Variants in YWHAQ observed in about 807,000 individuals in gnomAD.
YWHAQ encodes 14-3-3 protein theta.
Under a neutral mutation model 28.3 loss-of-function variants are expected in YWHAQ, and 6 were observed. That is an observed-to-expected ratio of 0.21 (90% CI 0.12 to 0.42). The LOEUF (loss-of-function observed/expected upper bound fraction) is 0.42. YWHAQ is among the 10% of genes least tolerant of loss of function. YWHAQ has a pLI of 1.00. For synonymous variants in YWHAQ, 143 were observed against 119.1 expected, an observed-to-expected ratio of 1.20 and a Z score of -1.31; for missense variants, 201 against 305.6, an observed-to-expected ratio of 0.66 and a Z score of 2.55.
At chr2:9,612,553 T>C (rs1666969100) in intron 2 of YWHAQ, among the ~76,000 whole-genome samples, 1 of 152,242 alleles carries the variant, frequency 6.6e-6, no homozygotes, top group South Asian at 2.1e-4. Context: ...TGGGAAGCAT[T>C]GTCCTGACTG....
At chr2:9,585,769 G>C (rs1349023921) in intron 5 of YWHAQ, among the ~76,000 whole-genome samples, 1 of 151,996 alleles carries the variant, frequency 6.6e-6, no homozygotes, top group African/African-American at 2.4e-5. Context: ...AAATTGGCCA[G>C]GTACGGGGTG....
rs1422536943 is a variant in YWHAQ at position 9,630,573 on chromosome 2, A to G, written c.-82-39T>C. On this transcript the variant is annotated intron_variant, in intron 1 of 5. Coordinates refer to ENST00000238081, the MANE Select transcript of YWHAQ (RefSeq NM_006826.4). The surrounding 1 kb of genome is among the most constrained non-coding windows in gnomAD (Gnocchi z 5.6). Reference sequence around the variant, plus strand: ...GGGCGGCGAGGCGAGAACAAAAAGCAGAGAGGGAGCGCCGTCAGACAATGC... The same window carrying G: ...GGGCGGCGAGGCGAGAACAAAAAGCGGAGAGGGAGCGCCGTCAGACAATGC... 2.0e-6 allele frequency: 2 copies of G among 1,008,516 alleles called. No individual in the cohort carries two copies. Among genetic ancestry groups the G allele is most frequent in the African/African-American group, 1.7e-5 (1 of 60,190 alleles). 62.5% of individuals were successfully genotyped at this position (1,008,516 alleles called of 1,614,324 possible).
chr2:9,611,442 T>G (rs1456393367), intron 2 of YWHAQ, among the ~76,000 whole-genome samples: 2 of 152,320 alleles, frequency 1.3e-5, no homozygotes, highest in South Asian at 2.1e-4. Flanking sequence ...ATGAGCTTGA[T>G]CACTGTGGAT....
At chr2:9,617,383 A>G (rs1667059321) in intron 2 of YWHAQ, among the ~76,000 whole-genome samples, 1 of 152,218 alleles carries the variant, frequency 6.6e-6, no homozygotes, top group Admixed American at 6.5e-5. Flanking sequence ...CAAAAAGACA[A>G]CTATTCTATA....
intron 2 of YWHAQ, among the ~76,000 whole-genome samples, chr2:9,619,562 T>C (rs960412120): frequency 2.0e-5 from 3 of 151,402 alleles, no homozygotes; most frequent in Non-Finnish European, 4.4e-5. Flanking sequence ...AAAAAAAACA[T>C]ACACAAAAAA....
At chr2:9,598,655 G>T in intron 2 of YWHAQ, among the ~76,000 whole-genome samples, 1 of 152,020 alleles carries the variant, frequency 6.6e-6, no homozygotes, top group East Asian at 1.9e-4. Flanking sequence ...CGTTACTACT[G>T]TAATTGTTTT....
chr2:9,589,919 C>T (rs926647292), intron 3 of YWHAQ, among the ~76,000 whole-genome samples: 9 of 152,170 alleles, frequency 5.9e-5, no homozygotes, highest in South Asian at 2.1e-4. Flanking sequence ...GAGATACTGA[C>T]GTAAGAGAAT....
intron 2 of YWHAQ, among the ~76,000 whole-genome samples, chr2:9,616,824 G>A (rs1667050166): frequency 6.6e-6 from 1 of 152,184 alleles, no homozygotes; most frequent in African/African-American, 2.4e-5. Context: ...AACATTAAAT[G>A]GGTATATACA....
chr2:9,613,428 C>T (rs1666987327), intron 2 of YWHAQ, among the ~76,000 whole-genome samples: 1 of 152,120 alleles, frequency 6.6e-6, no homozygotes, highest in South Asian at 2.1e-4. Flanking sequence ...GGATATGTGC[C>T]ACTGTAGTTA....
chr2:9,595,949 C>G (rs1380234478), intron 2 of YWHAQ, among the ~76,000 whole-genome samples: 4 of 151,976 alleles, frequency 2.6e-5, no homozygotes, highest in Middle Eastern at 3.4e-3. Flanking sequence ...ACTAAGAGGT[C>G]AATGTACTAC....
At chr2:9,622,331 A>G (rs1021989756) in intron 2 of YWHAQ, among the ~76,000 whole-genome samples, 2 of 152,100 alleles carry the variant, frequency 1.3e-5, no homozygotes, top group South Asian at 2.1e-4. Context: ...AATCACATAC[A>G]CTATGTACTT....
At chr2:9,591,049 T>A (rs186561218) in intron 3 of YWHAQ, among the ~76,000 whole-genome samples, 1 of 152,216 alleles carries the variant, frequency 6.6e-6, no homozygotes, top group Non-Finnish European at 1.5e-5. Context: ...AGAAAGGCCA[T>A]GTGAAATGCA....
At chr2:9,612,958 A>G (rs1376109540) in intron 2 of YWHAQ, among the ~76,000 whole-genome samples, 6 of 152,098 alleles carry the variant, frequency 3.9e-5, no homozygotes, top group Admixed American at 3.9e-4. Context: ...AACAATAAAC[A>G]TGGCTCGATC....
rs144863870 is a variant in YWHAQ at position 9,618,161 on chromosome 2, G to A, written c.294+11998C>T. 3.5e-4 allele frequency among the ~76,000 whole-genome samples: 53 copies of A among 152,228 alleles called. No homozygotes were observed. In the South Asian group the frequency reaches 3.5e-3, roughly 10 times the overall value. On this transcript the variant is annotated intron_variant, in intron 2 of 5. Transcript: ENST00000238081. The stretch of plus-strand genomic sequence containing the variant: ...ATATAGAATTTGTGGTAATGAAAAC[G>A]TTCTGGAATTAATAATGATGGCTGC...
intron 2 of YWHAQ, among the ~76,000 whole-genome samples, chr2:9,600,422 G>C (rs1466227636): frequency 2.0e-5 from 3 of 152,110 alleles, no homozygotes; most frequent in Non-Finnish European, 4.4e-5. Context: ...AAAATCGTTT[G>C]AGGGCCGGGT....
At position 9,583,980 on chromosome 2, in the gene YWHAQ, T is replaced by C. The variant is rs1057230798; in HGVS notation, c.*1306A>G. On this transcript the variant is annotated 3_prime_UTR_variant, in exon 6 of 6. Coordinates refer to ENST00000238081, the MANE Select transcript of YWHAQ (RefSeq NM_006826.4). ...ACAATCACATAATTAACTTTGCTAG[T>C]TTTAAAATGTCCACTTTATTCCATA... is the stretch of plus-strand genomic sequence containing the variant. 5.3e-5 allele frequency: 8 copies of C among 152,236 alleles called. No homozygotes were observed. Among genetic ancestry groups the C allele is most frequent in the East Asian group, 1.9e-4 (1 of 5,198 alleles). The allele number at this position is 152,236 out of a possible 1,614,324, so 9.4% of individuals were successfully genotyped here.
chr2:9,598,039 G>A (rs1298277224), intron 2 of YWHAQ, among the ~76,000 whole-genome samples: 2 of 128,600 alleles, frequency 1.6e-5, no homozygotes, highest in Non-Finnish European at 3.1e-5. Context: ...TCTCCATGTT[G>A]GTCAGGCTGG....
intron 2 of YWHAQ, among the ~76,000 whole-genome samples, chr2:9,623,423 T>C (rs1462016988): frequency 6.6e-6 from 1 of 152,226 alleles, no homozygotes; most frequent in Non-Finnish European, 1.5e-5. Flanking sequence ...AACAACGATC[T>C]TCTTCCCAGG....
chr2:9,608,244 A>G (rs775739327), intron 2 of YWHAQ, among the ~76,000 whole-genome samples: 1 of 152,174 alleles, frequency 6.6e-6, no homozygotes. Context: ...AAATAGAAAA[A>G]ACATACAGTA....
Sources: allele counts gnomAD v4.1 joint callset (sites outside exome capture counted in the v4.1 genomes callset), GRCh38; gene constraint gnomAD v4.1.1; non-coding constraint Gnocchi (gnomAD v3.1); transcripts MANE v1.5; gene names NCBI Gene and HGNC (gene_info 2026-07-23, HGNC 2026-07-21).